The following GDAP1L1 variants were observed in gnomAD, a reference collection of about 807,000 sequenced individuals.
The protein encoded by GDAP1L1 is ganglioside-induced differentiation-associated protein 1-like 1.
A neutral mutation model predicts 37.1 loss-of-function variants in GDAP1L1; 21 were observed. The ratio of observed to expected loss-of-function variants is 0.57; its 90% CI spans 0.40 to 0.81. The LOEUF is 0.81. Among genes scored for constraint, GDAP1L1 ranks in the 40% least tolerant of loss-of-function variants. The pLI is 0.00. For missense variants in GDAP1L1, 362 were observed against 491.6 expected, an observed-to-expected ratio of 0.74 and a Z score of 2.49; for synonymous variants, 193 against 209.1, an observed-to-expected ratio of 0.92 and a Z score of 0.67.
upstream of GDAP1L1, chr20:44,247,267 T>C: frequency 6.6e-7 from 1 of 1,517,188 alleles, no homozygotes. Flanking sequence ...CGAGGCCATG[T>C]GATGCTGGGC....
chr20:44,279,452 G>A lies in GDAP1L1; in HGVS notation c.*152G>A, dbSNP rs150099563. ...AATACCGTCAGTGTGAAAACATTCC[G>A]TAGTTTAGAAGTAGACGTTGCCAAT... is the stretch of plus-strand genomic sequence containing the variant. On this transcript the variant is annotated 3_prime_UTR_variant, in exon 6 of 6. Coordinates refer to ENST00000342560, the MANE Select transcript of GDAP1L1 (RefSeq NM_024034.6). 1,074 of 712,218 alleles carry A rather than the reference G, an allele frequency of 1.5e-3. 10 individuals carry two copies. The Middle Eastern group carries it at 0.018, about 12-fold the overall frequency. The allele number at this position is 712,218 out of a possible 1,614,324, so 44.1% of individuals were successfully genotyped here.
intron 3 of GDAP1L1, among the ~76,000 whole-genome samples, chr20:44,261,754 G>C (rs2073677946): frequency 6.6e-6 from 1 of 152,184 alleles, no homozygotes. Context: ...TGCGTTCCCT[G>C]GCAGAAGTCT....
chr20:44,275,865 CA>C (rs1410034910), intron 5 of GDAP1L1, among the ~76,000 whole-genome samples: 2 of 152,054 alleles, frequency 1.3e-5, no homozygotes, highest in African/African-American at 2.4e-5. Flanking sequence ...ATCCCAAATG[CA>C]ATAGTCAAGC....
chr20:44,258,330 G>A, intron 2 of GDAP1L1, 104 bp from the exon 3 acceptor site: 1 of 1,148,348 alleles, frequency 8.7e-7, no homozygotes, highest in Non-Finnish European at 1.3e-6. Flanking sequence ...GGGGTGCCCA[G>A]GGCCTCTGGG....
chr20:44,276,624 A>G (rs1195146109), intron 5 of GDAP1L1, among the ~76,000 whole-genome samples: 1 of 152,132 alleles, frequency 6.6e-6, no homozygotes, highest in East Asian at 1.9e-4. Flanking sequence ...GATAGTTTAT[A>G]GTGAATCATT....
chr20:44,266,830 T>C (rs904127276), intron 5 of GDAP1L1, among the ~76,000 whole-genome samples: 3 of 152,190 alleles, frequency 2.0e-5, no homozygotes, highest in Non-Finnish European at 4.4e-5. Flanking sequence ...TGTTTCCAAA[T>C]ACAGTCACAT....
intron 1 of GDAP1L1, among the ~76,000 whole-genome samples, chr20:44,254,923 C>T (rs2073510749): frequency 6.6e-6 from 1 of 152,096 alleles, no homozygotes; most frequent in South Asian, 2.1e-4. Context: ...TGCTAGAACT[C>T]ATGTATTAAC....
rs77636255 is a variant in GDAP1L1, at chr20:44,255,085, G to A, written c.181-2068G>A. 9.0e-3 allele frequency among the ~76,000 whole-genome samples: 1,364 copies of A among 152,236 alleles called. 21 individuals carry two copies. The highest frequency in any genetic ancestry group is 0.03 in the African/African-American group (1,266 of 41,528). ...GAGCTAGGCTTCCAAGTCAAAGTCT[G>A]TCTGCCTCCAAAACCTGCCCTCATA... On this transcript the variant is annotated intron_variant, in intron 1 of 5. Transcript: ENST00000342560.
chr20:44,263,775 C>T (rs774806825), intron 4 of GDAP1L1, among the ~76,000 whole-genome samples: 1 of 152,066 alleles, frequency 6.6e-6, no homozygotes, highest in South Asian at 2.1e-4. Flanking sequence ...ACCTGGGAGG[C>T]GGAGGTTGCA....
chr20:44,260,505 T>A lies in GDAP1L1; in HGVS notation c.547+1898T>A, dbSNP rs6031484. ...CAATCTTGTTTGAATTTCAACAATA[T>A]ACATGTATATCCTGCTCAAAAATAA... On this transcript the variant is annotated intron_variant, in intron 3 of 5. Coordinates refer to ENST00000342560, the MANE Select transcript of GDAP1L1 (RefSeq NM_024034.6). Among the ~76,000 whole-genome samples the A allele has an allele frequency of 4.9e-3, 750 of 152,232 alleles. 4 individuals carry two copies. The highest frequency in any genetic ancestry group is 0.017 in the African/African-American group (700 of 41,516).
intron 5 of GDAP1L1, among the ~76,000 whole-genome samples, chr20:44,273,874 T>A (rs996928924): frequency 6.6e-6 from 1 of 152,152 alleles, no homozygotes; most frequent in African/African-American, 2.4e-5. Context: ...AATGGCAATA[T>A]ATCACTGAGA....
chr20:44,260,408 T>G (rs891020839), intron 3 of GDAP1L1, among the ~76,000 whole-genome samples: 1 of 152,022 alleles, frequency 6.6e-6, no homozygotes, highest in Admixed American at 6.6e-5. Flanking sequence ...GCCAATAGTT[T>G]GTGTCTTTGG....
At position 44,279,666 on chromosome 20, in the gene GDAP1L1, G is replaced by A. The variant is rs541478433; in HGVS notation, c.*366G>A. On this transcript the variant is annotated 3_prime_UTR_variant, in exon 6 of 6. Transcript: ENST00000342560. ...GTCCACCAGGGCCCAGATTCTGGGA[G>A]GTGCTGGGGACTCAGAGGGCCTGAC... The A allele has an allele frequency of 6.0e-5, 29 of 480,072 alleles. No individual in the cohort carries two copies. The highest frequency in any genetic ancestry group is 5.7e-4 in the African/African-American group (29 of 50,610). 29.7% of individuals were successfully genotyped at this position (480,072 alleles called of 1,614,324 possible).
rs541912073 is a variant in GDAP1L1, at chr20:44,256,332, T to C, written c.181-821T>C. The stretch of plus-strand genomic sequence containing the variant: ...GCAAGTTACTTTTCCCCTCACTTAG[T>C]ACCCCAAATAATTTGAGAAATTTAG... On this transcript the variant is annotated intron_variant, in intron 1 of 5. Coordinates refer to ENST00000342560, the MANE Select transcript of GDAP1L1 (RefSeq NM_024034.6). 1.4e-4 allele frequency among the ~76,000 whole-genome samples: 21 copies of C among 152,292 alleles called. No individual in the cohort carries two copies. The South Asian group carries it at 4.3e-3, about 32-fold the overall frequency.
At chr20:44,268,486 A>G (rs1568655683) in intron 5 of GDAP1L1, among the ~76,000 whole-genome samples, 1 of 152,246 alleles carries the variant, frequency 6.6e-6, no homozygotes, top group Non-Finnish European at 1.5e-5. Context: ...TAAAACTCAG[A>G]CCTCATTCTT....
chr20:44,255,905 A>G (rs572931115), intron 1 of GDAP1L1, among the ~76,000 whole-genome samples: 2 of 152,316 alleles, frequency 1.3e-5, no homozygotes, highest in East Asian at 3.9e-4. Context: ...CAATAGGACT[A>G]GGTGATCTCT....
At chr20:44,248,773 T>C (rs1461020040) in intron 1 of GDAP1L1, among the ~76,000 whole-genome samples, 1 of 152,144 alleles carries the variant, frequency 6.6e-6, no homozygotes, top group Non-Finnish European at 1.5e-5. Context: ...TGGAATGGGG[T>C]CCAAGATGCT....
intron 5 of GDAP1L1, among the ~76,000 whole-genome samples, chr20:44,271,834 CAG>C (rs2062519324): frequency 6.6e-6 from 1 of 152,120 alleles, no homozygotes; most frequent in South Asian, 2.1e-4. Context: ...CATCTTCAAA[CAG>C]GGGAAATGGA....
chr20:44,278,933 T>C (rs770792138), intron 5 of GDAP1L1, 24 bp from the exon 6 acceptor site: 1 of 1,508,584 alleles, frequency 6.6e-7, no homozygotes, highest in South Asian at 1.2e-5. Flanking sequence ...CTGATCCCCT[T>C]GCCTCCTCTT....
Sources: gnomAD v4.1 joint callset for allele counts (sites outside exome capture counted in the v4.1 genomes callset) on GRCh38, gnomAD v4.1.1 for gene constraint, MANE v1.5 for transcripts, NCBI Gene and HGNC (gene_info 2026-07-23, HGNC 2026-07-21) for gene names.